Variants in ADARB2 observed in about 807,000 individuals in gnomAD.
ADARB2 encodes inactive double-stranded RNA-specific editase B2.
ADARB2 carries 25 observed loss-of-function variants against 62.2 expected under a neutral mutation model. The ratio of observed to expected loss-of-function variants is 0.40; its 90% CI spans 0.29 to 0.56. The LOEUF (loss-of-function observed/expected upper bound fraction) is 0.56. ADARB2 is among the 20% of genes least tolerant of loss of function. The pLI is 0.43. For missense variants in ADARB2, 1,071 were observed against 1,077.4 expected (o/e 0.99, Z 0.08); for synonymous variants, 572 against 500.8 (o/e 1.14, Z -1.90).
At chr10:1,513,389 C>A (rs531333443) in intron 1 of ADARB2, among the ~76,000 whole-genome samples, 2 of 152,306 alleles carry the variant, frequency 1.3e-5, no homozygotes, top group Admixed American at 1.3e-4. Flanking sequence ...CTGAAGCCGG[C>A]AGCGCCCTGC....
chr10:1,253,455 A>G (rs1831052882), intron 4 of ADARB2, among the ~76,000 whole-genome samples: 1 of 152,224 alleles, frequency 6.6e-6, no homozygotes, highest in Non-Finnish European at 1.5e-5. Context: ...CCAAATAACA[A>G]TTCCAGGATG....
intron 3 of ADARB2, among the ~76,000 whole-genome samples, chr10:1,299,821 G>A (rs529969894): frequency 6.6e-6 from 1 of 152,328 alleles, no homozygotes; most frequent in African/African-American, 2.4e-5. Flanking sequence ...CCACAGTCTG[G>A]TCCCCTGTGC....
intron 1 of ADARB2, among the ~76,000 whole-genome samples, chr10:1,564,377 A>C (rs1272583554): frequency 6.6e-6 from 1 of 152,252 alleles, no homozygotes; most frequent in African/African-American, 2.4e-5. Context: ...AAAACACCAA[A>C]AGCAATGGCA....
chr10:1,347,516 C>T (rs963049842), intron 3 of ADARB2, among the ~76,000 whole-genome samples: 1 of 152,212 alleles, frequency 6.6e-6, no homozygotes, highest in Admixed American at 6.5e-5. Context: ...GGAGACTAAG[C>T]TCACCACCTT....
intron 1 of ADARB2, among the ~76,000 whole-genome samples, chr10:1,552,060 C>A (rs1394257885): frequency 1.3e-5 from 2 of 152,154 alleles, no homozygotes; most frequent in African/African-American, 4.8e-5. Context: ...TGAGCCTCCT[C>A]CCTCGCAGCC....
Position 1,242,311 on chromosome 10 carries a change from G to C in ADARB2, c.1193-12C>G. The C allele has an allele frequency of 2.6e-6, 4 of 1,546,000 alleles. No homozygotes were observed. Among genetic ancestry groups the C allele is most frequent in the Non-Finnish European group, 3.5e-6 (4 of 1,146,692 alleles). ...CCGAGCATCCAGGCCTGGGGACACAGATAGCATCAGAGCAGCGTGGCCCAC... is the reference window on the plus strand; with the variant it reads ...CCGAGCATCCAGGCCTGGGGACACACATAGCATCAGAGCAGCGTGGCCCAC... On this transcript the variant is annotated splice_polypyrimidine_tract_variant and intron_variant, in intron 4 of 9. Transcript: ENST00000381312.
intron 4 of ADARB2, among the ~76,000 whole-genome samples, chr10:1,263,646 A>T (rs115040216): frequency 1.3e-5 from 2 of 152,128 alleles, no homozygotes; most frequent in African/African-American, 4.8e-5. Flanking sequence ...GTGTAGCAAA[A>T]ATATTTATTT....
At chr10:1,369,500 G>A (rs1316744310) in intron 2 of ADARB2, among the ~76,000 whole-genome samples, 1 of 152,186 alleles carries the variant, frequency 6.6e-6, no homozygotes, top group Non-Finnish European at 1.5e-5. Context: ...AAGTCTGGGT[G>A]TTCCCGCTGG....
intron 3 of ADARB2, among the ~76,000 whole-genome samples, chr10:1,326,644 G>T (rs1831848977): frequency 6.6e-6 from 1 of 152,186 alleles, no homozygotes. Flanking sequence ...AAGAAAAACA[G>T]GAAGCACAAG....
At chr10:1,577,597 G>A (rs959170441) in intron 1 of ADARB2, among the ~76,000 whole-genome samples, 2 of 152,202 alleles carry the variant, frequency 1.3e-5, no homozygotes, top group Non-Finnish European at 2.9e-5. Context: ...GTGCCAGGCT[G>A]TACGAAGGCC....
rs149189523 is a variant in ADARB2, at chr10:1,329,682, G to C, written c.1077+33346C>G. 4.2e-3 allele frequency among the ~76,000 whole-genome samples: 645 copies of C among 152,318 alleles called. 4 individuals are homozygous for C. Among genetic ancestry groups the C allele is most frequent in the South Asian group, 0.019 (93 of 4,830 alleles). On this transcript the variant is annotated intron_variant, in intron 3 of 9. Coordinates refer to ENST00000381312, the MANE Select transcript of ADARB2 (RefSeq NM_018702.4). Reference sequence around the variant, plus strand: ...CCGCCTCCCTGATGGCTGCTTTTAAGATCTGTTTATTCGATGGTGTGGGAC... The same window carrying C: ...CCGCCTCCCTGATGGCTGCTTTTAACATCTGTTTATTCGATGGTGTGGGAC...
At chr10:1,553,535 C>T (rs1216021323) in intron 1 of ADARB2, among the ~76,000 whole-genome samples, 1 of 152,172 alleles carries the variant, frequency 6.6e-6, no homozygotes, top group Non-Finnish European at 1.5e-5. Flanking sequence ...ATGCAGTTTG[C>T]GCCGTCGAAA....
At chr10:1,356,139 G>A (rs1832192988) in intron 3 of ADARB2, among the ~76,000 whole-genome samples, 2 of 152,148 alleles carry the variant, frequency 1.3e-5, no homozygotes. Context: ...ACAGACCCAG[G>A]ACACGAAGAA....
chr10:1,223,515 A>T (rs868560624), intron 6 of ADARB2, among the ~76,000 whole-genome samples: 1 of 152,178 alleles, frequency 6.6e-6, no homozygotes, highest in Non-Finnish European at 1.5e-5. Flanking sequence ...TTCAAAGGGA[A>T]TGCTTCCAGT....
At chr10:1,304,356 A>C (rs1589186402) in intron 3 of ADARB2, among the ~76,000 whole-genome samples, 1 of 149,990 alleles carries the variant, frequency 6.7e-6, no homozygotes, top group East Asian at 2.0e-4. Context: ...CCAATACAGG[A>C]GCACCCAGAT....
chr10:1,678,225 G>A (rs997735600), intron 1 of ADARB2: 21 of 983,746 alleles, frequency 2.1e-5, no homozygotes, highest in South Asian at 9.4e-5. Flanking sequence ...CAGGGTGAGC[G>A]ACCTCAGGGT....
intron 1 of ADARB2, among the ~76,000 whole-genome samples, chr10:1,716,362 T>C (rs1473703187): frequency 1.3e-5 from 2 of 152,228 alleles, no homozygotes; most frequent in Admixed American, 1.3e-4. Flanking sequence ...AGCATGATCC[T>C]TGGAAAGACA....
At chr10:1,620,679 C>T (rs1833694441) in intron 1 of ADARB2, among the ~76,000 whole-genome samples, 1 of 152,076 alleles carries the variant, frequency 6.6e-6, no homozygotes, top group African/African-American at 2.4e-5. Flanking sequence ...AAGTATAGCC[C>T]AAGATTTCTT....
At chr10:1,264,910 A>G (rs184790903) in intron 4 of ADARB2, among the ~76,000 whole-genome samples, 86 of 152,370 alleles carry the variant, frequency 5.6e-4, no homozygotes, top group Admixed American at 2.4e-3. Flanking sequence ...TATAAAAGCC[A>G]TATTTTCAGA....
Sources: gnomAD v4.1 joint callset for allele counts (sites outside exome capture counted in the v4.1 genomes callset) on GRCh38, gnomAD v4.1.1 for gene constraint, MANE v1.5 for transcripts, NCBI Gene and HGNC (gene_info 2026-07-23, HGNC 2026-07-21) for gene names.